Variants in C14orf132 observed in about 807,000 individuals in gnomAD.
C14orf132 encodes chromosome 14 open reading frame 132.
C14orf132 carries 6 observed loss-of-function variants against 5.8 expected under a neutral mutation model. The observed-to-expected ratio is 1.03, with a 90% confidence interval of 0.57 to 2.04. C14orf132 has a LOEUF of 2.04. Ranked by LOEUF, C14orf132 falls within the 30% of genes most tolerant of loss-of-function variation. C14orf132 has a pLI of 0.00. For missense variants in C14orf132, 125 were observed against 115.8 expected, an observed-to-expected ratio of 1.08 and a Z score of -0.37; for synonymous variants, 51 against 49.8, an observed-to-expected ratio of 1.02 and a Z score of -0.10.
intron 1 of C14orf132, among the ~76,000 whole-genome samples, chr14:96,079,420 G>A (rs1183210228): frequency 1.3e-5 from 2 of 152,060 alleles, no homozygotes; most frequent in Admixed American, 6.5e-5. Context: ...TCACCCCGTC[G>A]AAATCCCATC....
chr14:96,080,575 G>A (rs956824916), intron 1 of C14orf132, among the ~76,000 whole-genome samples: 7 of 152,294 alleles, frequency 4.6e-5, no homozygotes, highest in South Asian at 2.1e-4. Context: ...TTCTGAAACC[G>A]TTTTCCGTTC....
intron 1 of C14orf132, among the ~76,000 whole-genome samples, chr14:96,079,554 G>A (rs1887971278): frequency 6.6e-6 from 1 of 152,164 alleles, no homozygotes; most frequent in Non-Finnish European, 1.5e-5. Flanking sequence ...TGTGCCTAAT[G>A]TCTGTCTATC....
rs1888237964 is a variant in C14orf132, at chr14:96,087,600, G to C, written c.*865G>C. On this transcript the variant is annotated 3_prime_UTR_variant, in exon 2 of 2. Transcript: ENST00000555004. Reference sequence around the variant, plus strand: ...TGTGGTCACCAGGCAGGTTTGTGGAGGAGTCGGAACAGAAAGATGTGTCCT... The same window carrying C: ...TGTGGTCACCAGGCAGGTTTGTGGACGAGTCGGAACAGAAAGATGTGTCCT... The C allele has an allele frequency of 6.6e-6, 1 of 152,160 alleles. No individual in the cohort carries two copies. Among genetic ancestry groups the C allele is most frequent in the African/African-American group, 2.4e-5 (1 of 41,422 alleles). 9.4% of individuals were successfully genotyped at this position (152,160 alleles called of 1,614,324 possible).
At chr14:96,081,831 C>G (rs955894814) in intron 1 of C14orf132, among the ~76,000 whole-genome samples, 1 of 152,180 alleles carries the variant, frequency 6.6e-6, no homozygotes, top group Admixed American at 6.5e-5. Flanking sequence ...AACTCGTAGC[C>G]TCAAGCAATC....
intron 1 of C14orf132, among the ~76,000 whole-genome samples, chr14:96,065,404 T>C (rs1887501727): frequency 6.6e-6 from 1 of 152,082 alleles, no homozygotes. Context: ...GGAGAGGATG[T>C]TTAAAAATAA....
rs2139691899 is a variant in C14orf132 at position 96,090,644 on chromosome 14, C to T, written c.*3909C>T. On this transcript the variant is annotated 3_prime_UTR_variant, in exon 2 of 2. Coordinates refer to ENST00000555004, the MANE Select transcript of C14orf132 (RefSeq NM_001252507.3). ...AATAAGACTCCCTGCTCCACTCTAC[C>T]CCCCAGAGAGAAATGATTCTCGCTC... The T allele has an allele frequency of 2.2e-6, 1 of 456,028 alleles. No individual in the cohort carries two copies. Among genetic ancestry groups the T allele is most frequent in the African/African-American group, 2.0e-5 (1 of 50,172 alleles). The allele number at this position is 456,028 out of a possible 1,614,324, so 28.2% of individuals were successfully genotyped here.
Position 96,093,965 on chromosome 14 carries a change from G to A in C14orf132, c.*7230G>A, listed in dbSNP as rs1888500964. 6.6e-6 allele frequency: 1 copy of A among 152,164 alleles called. No individual in the cohort carries two copies. 9.4% of individuals were successfully genotyped at this position (152,164 alleles called of 1,614,324 possible). On this transcript the variant is annotated 3_prime_UTR_variant, in exon 2 of 2. Coordinates refer to ENST00000555004, the MANE Select transcript of C14orf132 (RefSeq NM_001252507.3). ...CTCAGCTTTAAATGGCTCAGCCCCAGCGTCACCTCCATTCTGATGCTTTTC... is the reference window on the plus strand; with the variant it reads ...CTCAGCTTTAAATGGCTCAGCCCCAACGTCACCTCCATTCTGATGCTTTTC...
At chr14:96,059,821 C>T (rs975725004) in intron 1 of C14orf132, among the ~76,000 whole-genome samples, 1 of 152,186 alleles carries the variant, frequency 6.6e-6, no homozygotes, top group Non-Finnish European at 1.5e-5. Flanking sequence ...CCAGAGGGAG[C>T]TTTCTCCTGC....
At chr14:96,060,345 AC>A (rs997001627) in intron 1 of C14orf132, among the ~76,000 whole-genome samples, 2 of 151,834 alleles carry the variant, frequency 1.3e-5, no homozygotes, top group Non-Finnish European at 2.9e-5. Flanking sequence ...TGCAAAGGTG[AC>A]CCCCTACAGC....
intron 1 of C14orf132, among the ~76,000 whole-genome samples, chr14:96,041,879 T>A (rs1405234653): frequency 2.6e-5 from 4 of 152,210 alleles, no homozygotes; most frequent in Non-Finnish European, 1.5e-5. Flanking sequence ...TGCATGTTTA[T>A]AAAAGCTTCA....
At chr14:96,043,962 C>A (rs1317768108) in intron 1 of C14orf132, among the ~76,000 whole-genome samples, 3 of 152,148 alleles carry the variant, frequency 2.0e-5, no homozygotes, top group African/African-American at 7.2e-5. Context: ...TTCCCATCAT[C>A]AAGAAAGGGA....
chr14:96,045,065 C>G (rs901501356), intron 1 of C14orf132, among the ~76,000 whole-genome samples: 19 of 152,164 alleles, frequency 1.2e-4, no homozygotes, highest in African/African-American at 4.6e-4. Context: ...CTTATTTAAA[C>G]CTCAGTTTCA....
chr14:96,080,191 C>T (rs1187943471), intron 1 of C14orf132, among the ~76,000 whole-genome samples: 1 of 152,144 alleles, frequency 6.6e-6, no homozygotes. Context: ...CCTTAGATGT[C>T]ACCCCATCCA....
chr14:96,063,304 TTTTGTTTG>T (rs546759941), intron 1 of C14orf132, among the ~76,000 whole-genome samples: 2 of 152,082 alleles, frequency 1.3e-5, no homozygotes, highest in African/African-American at 4.8e-5. Context: ...TGTGGTATCC[TTTTGTTTG>T]TTTGTTTGTT....
At chr14:96,043,419 G>T (rs879465132) in intron 1 of C14orf132, among the ~76,000 whole-genome samples, 3 of 152,166 alleles carry the variant, frequency 2.0e-5, no homozygotes, top group African/African-American at 4.8e-5. Context: ...TTCTTATGGC[G>T]TAACTCTCCT....
intron 1 of C14orf132, among the ~76,000 whole-genome samples, chr14:96,076,564 G>T (rs1566833935): frequency 6.6e-6 from 1 of 152,086 alleles, no homozygotes; most frequent in East Asian, 1.9e-4. Flanking sequence ...GGAAGAAGAA[G>T]AATTGCCTTG....
chr14:96,076,148 G>GT (rs1887858547), intron 1 of C14orf132, among the ~76,000 whole-genome samples: 1 of 152,044 alleles, frequency 6.6e-6, no homozygotes, highest in African/African-American at 2.4e-5. Context: ...GGTAGTTTGT[G>GT]TTTTTTAAGG....
rs1317851216 is a variant in C14orf132 at position 96,091,845 on chromosome 14, C to T, written c.*5110C>T. On this transcript the variant is annotated 3_prime_UTR_variant, in exon 2 of 2. Transcript: ENST00000555004. ...GAGGACAGAGCCCACAGCTTCCAAG[C>T]AGGAAAAGGGACCTCTCTGAAAAAT... The T allele has an allele frequency of 6.6e-6, 1 of 152,138 alleles. No homozygotes were observed. Among genetic ancestry groups the T allele is most frequent in the Non-Finnish European group, 1.5e-5 (1 of 68,044 alleles). 9.4% of individuals were successfully genotyped at this position (152,138 alleles called of 1,614,324 possible).
chr14:96,056,004 C>A (rs374594788), intron 1 of C14orf132, among the ~76,000 whole-genome samples: 1 of 152,130 alleles, frequency 6.6e-6, no homozygotes, highest in Non-Finnish European at 1.5e-5. Context: ...AAGGAACCCA[C>A]CCCCTGGGAT....
Sources: allele counts gnomAD v4.1 joint callset (sites outside exome capture counted in the v4.1 genomes callset), GRCh38; gene constraint gnomAD v4.1.1; transcripts MANE v1.5; gene names NCBI Gene and HGNC (gene_info 2026-07-23, HGNC 2026-07-21).